KMT2C: variants seen among roughly 807,000 people sequenced by gnomAD.
KMT2C encodes lysine methyltransferase 2C.
In KMT2C, 88 loss-of-function variants were observed where a neutral mutation model predicts 507.9. The observed-to-expected ratio is 0.17, with a 90% CI of 0.15 to 0.21. The LOEUF (loss-of-function observed/expected upper bound fraction) is 0.21. KMT2C is among the 10% of genes least tolerant of loss of function. The pLI, the probability that KMT2C is intolerant of heterozygous loss-of-function variation, is 1.00. For synonymous variants in KMT2C, 2,049 were observed against 2,080.8 expected, an observed-to-expected ratio of 0.98 and a Z score of 0.42; for missense variants, 4,954 against 5,957.8, an observed-to-expected ratio of 0.83 and a Z score of 5.55.
chr7:152,192,025 C>T (rs951451826), intron 31 of KMT2C, among the ~76,000 whole-genome samples: 1 of 150,084 alleles, frequency 6.7e-6, no homozygotes, highest in African/African-American at 2.5e-5. Context: ...TACACATTAA[C>T]ACCTTGCAAA....
chr7:152,334,203 C>T (rs576937725), intron 2 of KMT2C, among the ~76,000 whole-genome samples: 1 of 152,294 alleles, frequency 6.6e-6, no homozygotes, highest in South Asian at 2.1e-4. Context: ...CGCCTGTAAT[C>T]CCAGCACTTT....
At chr7:152,255,128 T>TATATATATATATATAC (rs1588629494) in intron 9 of KMT2C, among the ~76,000 whole-genome samples, 2 of 127,374 alleles carry the variant, frequency 1.6e-5, no homozygotes, top group South Asian at 2.4e-4. Context: ...TATATATATA[T>TATATATATATATATAC]ATATATATAT....
intron 2 of KMT2C, among the ~76,000 whole-genome samples, chr7:152,332,670 G>A (rs1405146385): frequency 6.6e-6 from 1 of 152,130 alleles, no homozygotes; most frequent in Admixed American, 6.5e-5. Context: ...ACAACATGGT[G>A]AAACCCTGTC....
intron 14 of KMT2C, among the ~76,000 whole-genome samples, chr7:152,244,287 C>T (rs2095434061): frequency 6.6e-6 from 1 of 152,284 alleles, no homozygotes; most frequent in African/African-American, 2.4e-5. Flanking sequence ...GGGCCATTAG[C>T]TTGATGTTCT....
intron 45 of KMT2C, 69 bp from the exon 46 acceptor site, chr7:152,156,126 A>G: frequency 3.1e-6 from 5 of 1,600,634 alleles, no homozygotes; most frequent in South Asian, 1.1e-5. Flanking sequence ...GAACTTTACA[A>G]TTCTATTGCC....
chr7:152,238,747 G>C lies in KMT2C; in HGVS notation c.2612C>G (p.Pro871Arg). ...AATGGCACTGCCAGGAAGCTGCCTG[G>C]GTTTAAAAATTTCCCGACCTTCTGA... is the stretch of plus-strand genomic sequence containing the variant. ...DISEGREIFK[P>R]RQLPGSAIWS... Residue 871 changes from proline to arginine, a missense_variant, in exon 15 of 59, where the codon CCC becomes CGC. Physicochemically the swap from Pro to Arg is moderately radical, Grantham distance 103. Transcript: ENST00000262189. 1 of 1,610,568 alleles carries C rather than the reference G, an allele frequency of 6.2e-7. No individual in the cohort carries two copies. The highest frequency in any genetic ancestry group is 8.5e-7 in the Non-Finnish European group (1 of 1,179,280).
intron 23 of KMT2C, among the ~76,000 whole-genome samples, chr7:152,209,312 C>G (rs2094395581): frequency 6.6e-6 from 1 of 151,694 alleles, no homozygotes; most frequent in Admixed American, 6.6e-5. Context: ...AAAAAATTAG[C>G]CAGGTGAGGT....
intron 1 of KMT2C, among the ~76,000 whole-genome samples, chr7:152,373,107 T>C (rs1030727567): frequency 1.3e-5 from 2 of 152,192 alleles, no homozygotes; most frequent in African/African-American, 4.8e-5. Flanking sequence ...GTTAATATGG[T>C]TGTCATATTT....
At chr7:152,222,796 G>A (rs1291251646) in intron 20 of KMT2C, 114 bp from the exon 21 acceptor site, 2 of 651,278 alleles carry the variant, frequency 3.1e-6, no homozygotes, top group Admixed American at 2.5e-5. Flanking sequence ...AGCCTCACAT[G>A]CTCCTCCTAC....
In KMT2C at chr7:152,140,699, G is replaced by A. The variant is rs540042448; in HGVS notation, c.14344-908C>T. ...TGCAGAAATCAACTGCATTCTAGTC[G>A]GAATTACTAGGAGGACCATGTGCTG... is the stretch of plus-strand genomic sequence containing the variant. On this transcript the variant is annotated intron_variant, in intron 55 of 58. Coordinates refer to ENST00000262189, the MANE Select transcript of KMT2C (RefSeq NM_170606.3). Among the ~76,000 whole-genome samples the A allele has an allele frequency of 4.6e-5, 7 of 152,116 alleles. No individual in the cohort carries two copies. In the East Asian group the frequency reaches 5.8e-4, roughly 13 times the overall value.
At chr7:152,434,914 A>G (rs541241013) in intron 1 of KMT2C, among the ~76,000 whole-genome samples, 2 of 152,142 alleles carry the variant, frequency 1.3e-5, no homozygotes, top group Admixed American at 6.6e-5. Flanking sequence ...TTACGAGGGG[A>G]CGCTGGCTAC....
intron 9 of KMT2C, among the ~76,000 whole-genome samples, chr7:152,255,138 TATATATAC>T (rs1437598051): frequency 1.0e-4 from 13 of 124,794 alleles, no homozygotes; most frequent in African/African-American, 3.4e-4. Context: ...TATATATATA[TATATATAC>T]ATATATATAT....
At chr7:152,152,631 C>T (rs1353436275) in intron 49 of KMT2C, 74 bp downstream of exon 49, 13 of 1,540,490 alleles carry the variant, frequency 8.4e-6, no homozygotes, top group African/African-American at 1.4e-5. Context: ...AAAAGATAAT[C>T]AGTATCTCAA....
chr7:152,281,285 A>C (rs910839570), intron 6 of KMT2C, among the ~76,000 whole-genome samples: 2 of 152,164 alleles, frequency 1.3e-5, no homozygotes, highest in African/African-American at 2.4e-5. Context: ...AGTTATAAAA[A>C]TGAGTATAAT....
At chr7:152,252,776 G>C (rs1439261633) in intron 9 of KMT2C, 61 bp from the exon 10 acceptor site, 1 of 1,203,456 alleles carries the variant, frequency 8.3e-7, no homozygotes, top group African/African-American at 1.5e-5. Context: ...TTGTAGTTCT[G>C]ATGTAAACCT....
chr7:152,315,670 G>C (rs1426935658), intron 3 of KMT2C, among the ~76,000 whole-genome samples: 2 of 152,144 alleles, frequency 1.3e-5, no homozygotes, highest in Admixed American at 1.3e-4. Context: ...GGCCAAGCAC[G>C]GTGGCTCATG....
chr7:152,300,009 T>C (rs2096552705), intron 6 of KMT2C, among the ~76,000 whole-genome samples: 1 of 152,158 alleles, frequency 6.6e-6, no homozygotes, highest in Non-Finnish European at 1.5e-5. Flanking sequence ...CAGTCAAAAG[T>C]ATCATTAACA....
rs538072095 is a variant in KMT2C, at chr7:152,349,457, A to C, written c.250+9130T>G. ...AAGACTCCATAAAGAAAGAAAAGAA[A>C]AGAGAAAAGAAAAAAACAGAAAAGG... On this transcript the variant is annotated intron_variant, in intron 2 of 58. Transcript: ENST00000262189. Among the ~76,000 whole-genome samples, 16 of 152,260 alleles carry C rather than the reference A, an allele frequency of 1.1e-4. No individual in the cohort carries two copies. In the East Asian group the frequency reaches 2.9e-3, roughly 28 times the overall value.
chr7:152,220,119 G>C (rs1308258119), intron 23 of KMT2C: 2 of 185,184 alleles, frequency 1.1e-5, no homozygotes, highest in Non-Finnish European at 2.3e-5. Flanking sequence ...AGTTATACCT[G>C]AAGTAACATT....
Sources: gnomAD v4.1 joint callset for allele counts (sites outside exome capture counted in the v4.1 genomes callset) on GRCh38, gnomAD v4.1.1 for gene constraint, MANE v1.5 for transcripts, NCBI Gene and HGNC (gene_info 2026-07-23, HGNC 2026-07-21) for gene names.